The following TENM3 variants were observed in gnomAD, a reference collection of about 807,000 sequenced individuals.
TENM3 encodes the protein teneurin transmembrane protein 3.
In TENM3, 63 loss-of-function variants were observed where a neutral mutation model predicts 255.1. The ratio of observed to expected loss-of-function variants is 0.25; its 90% CI spans 0.20 to 0.30. The LOEUF (loss-of-function observed/expected upper bound fraction) is 0.30, where lower values mean the gene tolerates loss of function less well. Among genes scored for constraint, TENM3 ranks in the 10% least tolerant of loss-of-function variants. The probability of loss-of-function intolerance (pLI) is 1.00; values close to 1 mark genes in which losing one functional copy is unlikely to be tolerated. For missense variants in TENM3, 2,929 were observed against 3,461.1 expected (o/e 0.85, Z 3.86); for synonymous variants, 1,306 against 1,322.3 (o/e 0.99, Z 0.27).
chr4:181,927,773 G>C, the TENM3 span, among the ~76,000 whole-genome samples: 5 of 152,192 alleles, frequency 3.3e-5, no homozygotes, highest in African/African-American at 1.2e-4. Flanking sequence ...ATACAGGAGA[G>C]CTCCAGCTGG....
At chr4:182,288,639 A>G (rs2150311875) in intron 1 of TENM3, among the ~76,000 whole-genome samples, 1 of 152,220 alleles carries the variant, frequency 6.6e-6, no homozygotes, top group East Asian at 1.9e-4. Flanking sequence ...CAGACTAGGT[A>G]CTGCCATTTC....
At chr4:181,576,741 TTA>T in the TENM3 span, among the ~76,000 whole-genome samples, 6 of 151,822 alleles carry the variant, frequency 4.0e-5, no homozygotes, top group East Asian at 3.9e-4. Flanking sequence ...ATTATAAGTC[TTA>T]CCTATATCTC....
At chr4:182,123,076 T>G in the TENM3 span, among the ~76,000 whole-genome samples, 1 of 152,228 alleles carries the variant, frequency 6.6e-6, no homozygotes, top group Admixed American at 6.5e-5. Flanking sequence ...TCTCTCAGCC[T>G]TCTTAGAATT....
At chr4:181,909,436 C>T in the TENM3 span, among the ~76,000 whole-genome samples, 3 of 152,060 alleles carry the variant, frequency 2.0e-5, no homozygotes, top group African/African-American at 7.2e-5. Context: ...AGACACAGTC[C>T]CTACTCAGCT....
At chr4:181,923,534 T>G in the TENM3 span, among the ~76,000 whole-genome samples, 1 of 152,298 alleles carries the variant, frequency 6.6e-6, no homozygotes, top group East Asian at 1.9e-4. Context: ...CTGCATTTTC[T>G]TTAAGAAATT....
chr4:182,349,888 A>G (rs765667788), intron 3 of TENM3: 2 of 335,628 alleles, frequency 6.0e-6, no homozygotes, highest in South Asian at 2.4e-5. Context: ...AAGGTTGAAA[A>G]GAGAAGGAGA....
At chr4:181,483,208 C>T in the TENM3 span, among the ~76,000 whole-genome samples, 1 of 152,050 alleles carries the variant, frequency 6.6e-6, no homozygotes, top group African/African-American at 2.4e-5. Flanking sequence ...TTGTCCAGAA[C>T]CTGTACCGTT....
chr4:181,888,812 C>A, the TENM3 span, among the ~76,000 whole-genome samples: 2 of 151,152 alleles, frequency 1.3e-5, no homozygotes, highest in Non-Finnish European at 2.9e-5. Context: ...GCCTGAGAAC[C>A]AGGAGTGCCA....
the TENM3 span, among the ~76,000 whole-genome samples, chr4:181,903,502 C>T: frequency 4.6e-5 from 7 of 152,148 alleles, no homozygotes; most frequent in Non-Finnish European, 8.8e-5. Context: ...CTTCATTAGG[C>T]GATACTCACC....
intron 3 of TENM3, among the ~76,000 whole-genome samples, chr4:182,529,704 T>C (rs1308768853): frequency 6.6e-6 from 1 of 152,214 alleles, no homozygotes; most frequent in Non-Finnish European, 1.5e-5. Context: ...TTCCTTGACA[T>C]ATGATTTTAA....
the TENM3 span, among the ~76,000 whole-genome samples, chr4:181,690,238 G>T: frequency 1.5e-5 from 1 of 65,718 alleles, no homozygotes; most frequent in Non-Finnish European, 3.5e-5. Context: ...GCGCGTGAGC[G>T]TGCACACACA....
the TENM3 span, among the ~76,000 whole-genome samples, chr4:181,815,482 T>C: frequency 1.1e-5 from 1 of 92,984 alleles, no homozygotes; most frequent in Non-Finnish European, 2.2e-5. Context: ...AAAAAAAAGG[T>C]GTAGAGGAAA....
chr4:181,570,199 C>T, the TENM3 span, among the ~76,000 whole-genome samples: 3 of 151,882 alleles, frequency 2.0e-5, no homozygotes, highest in Non-Finnish European at 2.9e-5. Flanking sequence ...GCGCCCGCCA[C>T]CGCGCCCGGC....
In TENM3 at chr4:182,455,588, G is replaced by T. The variant is rs181396551; in HGVS notation, c.511+108659G>T. Among the ~76,000 whole-genome samples, 968 of 116,432 alleles carry T rather than the reference G, an allele frequency of 8.3e-3. 19 individuals are homozygous for T. The highest frequency in any genetic ancestry group is 0.031 in the Admixed American group (248 of 7,968). The allele number at this position is 116,432 out of a possible 152,430, so 76.4% of individuals were successfully genotyped here. A position where few individuals can be genotyped will look rare whatever the true frequency, so the allele number is the denominator to read the frequency against. On this transcript the variant is annotated intron_variant, in intron 3 of 27. Coordinates refer to ENST00000511685, the MANE Select transcript of TENM3 (RefSeq NM_001080477.4). ...TTTTTTTTTTTTTTTTTGAGACCGAGTCTCACTAGGCTGACCAGGCTGGAG... is the reference window on the plus strand; with the variant it reads ...TTTTTTTTTTTTTTTTTGAGACCGATTCTCACTAGGCTGACCAGGCTGGAG...
intron 1 of TENM3, among the ~76,000 whole-genome samples, chr4:182,279,107 A>G (rs1334891068): frequency 6.6e-6 from 1 of 152,198 alleles, no homozygotes; most frequent in African/African-American, 2.4e-5. Flanking sequence ...TTGCTTAGCT[A>G]GCCTATGAAA....
At chr4:182,246,166 T>C (rs1757628136) in intron 1 of TENM3, among the ~76,000 whole-genome samples, 1 of 152,184 alleles carries the variant, frequency 6.6e-6, no homozygotes, top group Non-Finnish European at 1.5e-5. Flanking sequence ...AGTTGTCTCA[T>C]TGATAAAATG....
chr4:182,702,928 G>A (rs181095740), intron 12 of TENM3, among the ~76,000 whole-genome samples: 2 of 152,066 alleles, frequency 1.3e-5, no homozygotes, highest in African/African-American at 4.8e-5. Context: ...AGTAGAGACG[G>A]GGTTTCACCA....
At chr4:182,771,809 G>A (rs954888810) in intron 22 of TENM3, among the ~76,000 whole-genome samples, 1 of 152,144 alleles carries the variant, frequency 6.6e-6, no homozygotes, top group Admixed American at 6.5e-5. Context: ...TTTGCTAGGG[G>A]CGTTTGGGTT....
At chr4:182,471,031 G>A (rs184633691) in intron 3 of TENM3, among the ~76,000 whole-genome samples, 1 of 152,178 alleles carries the variant, frequency 6.6e-6, no homozygotes, top group African/African-American at 2.4e-5. Context: ...TATTTGCCTC[G>A]AATTTTATTT....
Sources: allele counts gnomAD v4.1 joint callset (sites outside exome capture counted in the v4.1 genomes callset), GRCh38; gene constraint gnomAD v4.1.1; transcripts MANE v1.5; gene names NCBI Gene and HGNC (gene_info 2026-07-23, HGNC 2026-07-21).